The following GREB1L variants were observed in gnomAD, a reference collection of about 807,000 sequenced individuals.
The protein encoded by GREB1L is GREB1-like protein.
GREB1L carries 17 observed loss-of-function variants against 200.8 expected under a neutral mutation model. The observed-to-expected ratio is 0.08, with a 90% confidence interval of 0.06 to 0.13. The LOEUF (loss-of-function observed/expected upper bound fraction) is 0.13. Ranked by LOEUF, GREB1L falls within the 10% of genes least tolerant of loss-of-function variation. GREB1L has a pLI of 1.00. For missense variants in GREB1L, 1,657 were observed against 2,367.7 expected (o/e 0.70, Z 6.23); for synonymous variants, 789 against 893.0 (o/e 0.88, Z 2.08).
intron 2 of GREB1L, among the ~76,000 whole-genome samples, chr18:21,367,642 T>C (rs2039725814): frequency 6.6e-6 from 1 of 152,134 alleles, no homozygotes; most frequent in Admixed American, 6.6e-5. Flanking sequence ...ACGAGGAAAA[T>C]GGGTGGTACA....
intron 7 of GREB1L, among the ~76,000 whole-genome samples, chr18:21,408,225 C>A (rs1222221922): frequency 1.3e-5 from 2 of 151,758 alleles, no homozygotes; most frequent in African/African-American, 2.4e-5. Flanking sequence ...ATATGTGTAC[C>A]CCATAAATAT....
At chr18:21,468,657 G>A (rs2035360363) in intron 15 of GREB1L, 1 of 455,164 alleles carries the variant, frequency 2.2e-6, no homozygotes, top group Admixed American at 2.4e-5. Context: ...CAGGAACTCA[G>A]TGCCAGAATG....
At chr18:21,423,105 A>C (rs1047608514) in intron 7 of GREB1L, among the ~76,000 whole-genome samples, 4 of 151,892 alleles carry the variant, frequency 2.6e-5, no homozygotes, top group Admixed American at 2.6e-4. Flanking sequence ...TAATTTTTGT[A>C]TTTTTAGTAG....
intron 1 of GREB1L, among the ~76,000 whole-genome samples, chr18:21,306,834 A>C (rs2038709101): frequency 6.6e-6 from 1 of 152,238 alleles, no homozygotes; most frequent in Non-Finnish European, 1.5e-5. Flanking sequence ...GAGAAGGGAG[A>C]AGAAAACAGA....
At chr18:21,279,480 GAAGTA>G (rs1211522568) in intron 1 of GREB1L, among the ~76,000 whole-genome samples, 1 of 152,014 alleles carries the variant, frequency 6.6e-6, no homozygotes, top group Non-Finnish European at 1.5e-5. Flanking sequence ...TAGATTTTTG[GAAGTA>G]AAGTATTCAG....
intron 11 of GREB1L, among the ~76,000 whole-genome samples, chr18:21,444,645 A>C (rs980636138): frequency 1.3e-5 from 2 of 151,806 alleles, no homozygotes; most frequent in African/African-American, 4.8e-5. Flanking sequence ...TGCACCACCT[A>C]GTGTCCAGTC....
At chr18:21,434,291 A>G (rs1239488027) in intron 7 of GREB1L, among the ~76,000 whole-genome samples, 1 of 152,022 alleles carries the variant, frequency 6.6e-6, no homozygotes, top group Non-Finnish European at 1.5e-5. Flanking sequence ...CCTGGCCAAC[A>G]TGGCAAAACC....
Position 21,477,221 on chromosome 18 carries a change from C to T in GREB1L, c.2421C>T (p.Val807=). 4.5e-6 allele frequency: 7 copies of T among 1,552,088 alleles called. No individual in the cohort carries two copies. Among genetic ancestry groups the T allele is most frequent in the Non-Finnish European group, 6.1e-6 (7 of 1,147,056 alleles). The change falls in exon 17 of 33, where the codon GTC becomes GTT. Residue 807 remains valine, a synonymous_variant. Transcript: ENST00000424526. ...CCAGTCATGGGCTAGCTGATAGAGT[C>T]ATTAATTGCAGAGAAGTTCTGGAAG... ...SEPSHGLADR[V]INCREVLEAF... is the part of the protein sequence containing the mutation.
At chr18:21,393,225 A>G (rs2040900669) in intron 4 of GREB1L, among the ~76,000 whole-genome samples, 2 of 152,110 alleles carry the variant, frequency 1.3e-5, no homozygotes, top group African/African-American at 4.8e-5. Flanking sequence ...GGGCAATGAT[A>G]ATGGTGCTCT....
At chr18:21,346,662 T>C (rs2039350402) in intron 1 of GREB1L, among the ~76,000 whole-genome samples, 1 of 152,200 alleles carries the variant, frequency 6.6e-6, no homozygotes, top group Admixed American at 6.5e-5. Context: ...TGTCTGCAAA[T>C]GACAGGAAAC....
At chr18:21,444,453 G>T (rs1224616732) in intron 11 of GREB1L, 44 bp downstream of exon 11, 2 of 1,419,902 alleles carry the variant, frequency 1.4e-6, no homozygotes, top group Middle Eastern at 1.8e-4. Flanking sequence ...TACTTTTGAG[G>T]ATTTTTTGTG....
In GREB1L at chr18:21,522,387, T is replaced by C. The variant is rs1020527571; in HGVS notation, c.5609-271T>C. On this transcript the variant is annotated intron_variant, in intron 32 of 32. Coordinates refer to ENST00000424526, the MANE Select transcript of GREB1L (RefSeq NM_001142966.3). ...TACTTGGGAGGCTAACGCAGGGGAA[T>C]TGCTTGAACCCAGGAGGCAGAGGTT... 3.3e-5 allele frequency among the ~76,000 whole-genome samples: 5 copies of C among 151,836 alleles called. No homozygotes were observed. In the East Asian group the frequency reaches 5.8e-4, roughly 18 times the overall value.
intron 23 of GREB1L, among the ~76,000 whole-genome samples, chr18:21,501,293 T>C (rs1391714810): frequency 1.3e-5 from 2 of 151,792 alleles, no homozygotes; most frequent in Admixed American, 6.6e-5. Flanking sequence ...GTGCTGAATG[T>C]GCAGGTTTGT....
chr18:21,508,290 G>C lies in GREB1L; in HGVS notation c.4530+11G>C. On this transcript the variant is annotated intron_variant, in intron 26 of 32. Coordinates refer to ENST00000424526, the MANE Select transcript of GREB1L (RefSeq NM_001142966.3). ...CTGGTTTCAGACAAGGTGGGTGAGA[G>C]CATCTGGACTGGCAGGCACCAGACC... 1 of 1,551,570 alleles carries C rather than the reference G, an allele frequency of 6.4e-7. No homozygotes were observed. Among genetic ancestry groups the C allele is most frequent in the Non-Finnish European group, 8.7e-7 (1 of 1,147,016 alleles).
At position 21,457,299 on chromosome 18, in the gene GREB1L, C is replaced by T. The variant is rs151086830; in HGVS notation, c.2182+2736C>T. Among the ~76,000 whole-genome samples, 34 of 152,042 alleles carry T rather than the reference C, an allele frequency of 2.2e-4. No individual in the cohort carries two copies. In the East Asian group the frequency reaches 6.2e-3, roughly 28 times the overall value. On this transcript the variant is annotated intron_variant, in intron 15 of 32. Coordinates refer to ENST00000424526, the MANE Select transcript of GREB1L (RefSeq NM_001142966.3). ...GAAAAAAAAAAATCATTGTAATAGA[C>T]ATGTTTGGCACACTCAAAGCAAAGC... is the stretch of plus-strand genomic sequence containing the variant.
chr18:21,286,472 T>C (rs1239825773), intron 1 of GREB1L, among the ~76,000 whole-genome samples: 1 of 152,284 alleles, frequency 6.6e-6, no homozygotes, highest in Admixed American at 6.5e-5. Context: ...TGAAACACAA[T>C]GAGCCTTTCA....
chr18:21,496,828 T>C, intron 21 of GREB1L, 130 bp downstream of exon 21: 1 of 968,846 alleles, frequency 1.0e-6, no homozygotes. Flanking sequence ...TGGCATCCTC[T>C]CCAGACCCAG....
At chr18:21,397,524 CAAA>C (rs10719044) in intron 5 of GREB1L, among the ~76,000 whole-genome samples, 1 of 103,370 alleles carries the variant, frequency 9.7e-6, no homozygotes, top group African/African-American at 3.4e-5. Context: ...GACTCCGTCT[CAAA>C]AAAAAAAAAA....
At chr18:21,298,544 T>G (rs1317924694) in intron 1 of GREB1L, among the ~76,000 whole-genome samples, 2 of 152,240 alleles carry the variant, frequency 1.3e-5, no homozygotes, top group African/African-American at 2.4e-5. Flanking sequence ...TAATGATGAT[T>G]TTCTAAGATG....
Sources: allele counts gnomAD v4.1 joint callset (sites outside exome capture counted in the v4.1 genomes callset), GRCh38; gene constraint gnomAD v4.1.1; transcripts MANE v1.5; gene names NCBI Gene and HGNC (gene_info 2026-07-23, HGNC 2026-07-21).